MTMR14: variants seen among roughly 807,000 people sequenced by gnomAD.
The protein encoded by MTMR14 is myotubularin related protein 14.
Under a neutral mutation model 86.3 loss-of-function variants are expected in MTMR14, and 48 were observed. The observed-to-expected ratio is 0.56, with a 90% confidence interval of 0.44 to 0.71. The LOEUF is 0.71. MTMR14 is among the 30% of genes least tolerant of loss of function. The pLI is 0.00. For synonymous variants in MTMR14, 366 were observed against 326.1 expected (o/e 1.12, Z -1.32); for missense variants, 780 against 834.6 (o/e 0.93, Z 0.81).
chr3:9,702,145 C>T lies in MTMR14; in HGVS notation c.*172C>T, dbSNP rs2076480169. ...GAGCAAGGCCAAAGACAGGGTTTTC[C>T]AACCCCCAGCCTCTTGACTGGTGAC... On this transcript the variant is annotated 3_prime_UTR_variant, in exon 19 of 19. Transcript: ENST00000296003. The T allele has an allele frequency of 5.0e-6, 4 of 807,008 alleles. No individual in the cohort carries two copies. Among genetic ancestry groups the T allele is most frequent in the African/African-American group, 1.7e-5 (1 of 59,080 alleles). 50.0% of individuals were successfully genotyped at this position (807,008 alleles called of 1,614,324 possible).
intron 1 of MTMR14, among the ~76,000 whole-genome samples, chr3:9,652,859 T>C (rs139989141): frequency 1.6e-3 from 237 of 151,834 alleles, no homozygotes; most frequent in African/African-American, 5.4e-3. Flanking sequence ...ATATGCTCAC[T>C]TGAACCCAGG....
At chr3:9,682,608 T>A (rs1295805902) in intron 9 of MTMR14, among the ~76,000 whole-genome samples, 1 of 152,202 alleles carries the variant, frequency 6.6e-6, no homozygotes, top group Non-Finnish European at 1.5e-5. Flanking sequence ...CCTCCTTTTT[T>A]AAAAGACTTT....
chr3:9,701,781 T>TC lies in MTMR14; in HGVS notation c.1770-5dup. ...AATGTCTTTGTTCTTTCTCTTGACC[T>TC]CCCCATAGGCTTGCAGCCCTGAGTG... On this transcript the variant is annotated splice_polypyrimidine_tract_variant and intron_variant, in intron 18 of 18. Coordinates refer to ENST00000296003, the MANE Select transcript of MTMR14 (RefSeq NM_001077525.3). The surrounding 1 kb of genome is among the most constrained non-coding windows in gnomAD (Gnocchi z 4.2). The TC allele has an allele frequency of 1.2e-6, 2 of 1,613,548 alleles. No individual in the cohort carries two copies. The highest frequency in any genetic ancestry group is 1.7e-6 in the Non-Finnish European group (2 of 1,180,026).
chr3:9,695,018 G>T (rs1575083421), intron 17 of MTMR14, among the ~76,000 whole-genome samples: 1 of 152,210 alleles, frequency 6.6e-6, no homozygotes, highest in Admixed American at 6.5e-5. Context: ...AGGGTTGCTT[G>T]GTCCCATGTT....
At chr3:9,670,747 T>C (rs1482505078) in intron 5 of MTMR14, among the ~76,000 whole-genome samples, 1 of 152,244 alleles carries the variant, frequency 6.6e-6, no homozygotes, top group Non-Finnish European at 1.5e-5. Context: ...TTTAGAACGC[T>C]GAGATTATTT....
At chr3:9,668,611 C>T in intron 3 of MTMR14, 108 bp from the exon 4 acceptor site, 1 of 1,167,102 alleles carries the variant, frequency 8.6e-7, no homozygotes, top group East Asian at 2.4e-5. Flanking sequence ...GGGAGTGCTC[C>T]TGGGCCCGTT....
chr3:9,670,079 T>C (rs2048486517), intron 5 of MTMR14, among the ~76,000 whole-genome samples: 2 of 152,382 alleles, frequency 1.3e-5, no homozygotes, highest in East Asian at 3.9e-4. Context: ...CAAATGTTTT[T>C]AGAAAACAAT....
chr3:9,659,485 C>T (rs915454278), intron 2 of MTMR14: 3 of 232,174 alleles, frequency 1.3e-5, no homozygotes, highest in African/African-American at 6.9e-5. Flanking sequence ...ATTCTGTTGC[C>T]CAGGCTGGAG....
intron 16 of MTMR14, 82 bp downstream of exon 16, chr3:9,689,164 A>G: frequency 1.0e-5 from 16 of 1,579,016 alleles, no homozygotes; most frequent in South Asian, 2.2e-5. Flanking sequence ...TGGAGCCCCA[A>G]GAACAAAGCA....
chr3:9,661,404 G>A (rs529400407), intron 2 of MTMR14, among the ~76,000 whole-genome samples: 16 of 152,116 alleles, frequency 1.1e-4, no homozygotes, highest in Non-Finnish European at 1.5e-4. Flanking sequence ...ATATAATGCC[G>A]CCACTGATGA....
intron 17 of MTMR14, among the ~76,000 whole-genome samples, chr3:9,693,407 A>T (rs2076193431): frequency 6.6e-6 from 1 of 152,258 alleles, no homozygotes; most frequent in African/African-American, 2.4e-5. Context: ...CTACACATGC[A>T]GTTGAAATCT....
chr3:9,698,647 T>G (rs1299364336), intron 18 of MTMR14, among the ~76,000 whole-genome samples: 1 of 151,762 alleles, frequency 6.6e-6, no homozygotes, highest in Non-Finnish European at 1.5e-5. Context: ...TGTTGGCAGG[T>G]GGGAGGCAGG....
At chr3:9,696,785 C>T (rs955000985) in intron 17 of MTMR14, among the ~76,000 whole-genome samples, 3 of 152,154 alleles carry the variant, frequency 2.0e-5, no homozygotes, top group African/African-American at 7.2e-5. Context: ...TTTCTGGATC[C>T]CTACTGGAGT....
intron 6 of MTMR14, among the ~76,000 whole-genome samples, chr3:9,672,185 G>T (rs1430969773): frequency 6.6e-6 from 1 of 152,180 alleles, no homozygotes; most frequent in Non-Finnish European, 1.5e-5. Context: ...GCTTGCTGTA[G>T]TATTAGAGGG....
rs138045243 is a variant in MTMR14 at position 9,668,807 on chromosome 3, C to T, written c.493+13C>T. On this transcript the variant is annotated intron_variant, in intron 4 of 18. Transcript: ENST00000296003. The stretch of plus-strand genomic sequence containing the variant: ...TATTTTTTCTCAGGTGAATGTTGAA[C>T]AGCATCCTCTGATGTAGAATGAGAA... The T allele has an allele frequency of 9.3e-4, 1,503 of 1,613,518 alleles. 7 individuals are homozygous for T. The highest frequency in any genetic ancestry group is 2.8e-3 in the Admixed American group (168 of 60,010).
chr3:9,653,877 T>G, intron 2 of MTMR14, 108 bp downstream of exon 2: 1 of 1,433,286 alleles, frequency 7.0e-7, no homozygotes, highest in Non-Finnish European at 9.8e-7. Context: ...TCCCCAGGTG[T>G]TAATCCTTAT....
In MTMR14 at chr3:9,669,454, A is replaced by C; in HGVS notation, c.516A>C (p.Ala172=). 1 of 1,613,968 alleles carries C rather than the reference A, an allele frequency of 6.2e-7. No individual in the cohort carries two copies. The highest frequency in any genetic ancestry group is 1.3e-5 in the African/African-American group (1 of 75,056). The change falls in exon 5 of 19, where the codon GCA becomes GCC. Residue 172 remains alanine (A), a synonymous_variant. Transcript: ENST00000296003. ...FFSGGADDAW[A]DVEDVTEEDC... ...CAGGGGGTGCAGATGATGCCTGGGC[A>C]GATGTGGAGGACGTCACGGAGGAGG...
intron 3 of MTMR14, among the ~76,000 whole-genome samples, chr3:9,667,923 G>A (rs901338678): frequency 1.3e-5 from 2 of 151,984 alleles, no homozygotes; most frequent in Admixed American, 1.3e-4. Flanking sequence ...TCACAACTTC[G>A]CCATTTCCCA....
At chr3:9,669,094 C>A (rs1241822386) in intron 4 of MTMR14, among the ~76,000 whole-genome samples, 1 of 150,644 alleles carries the variant, frequency 6.6e-6, no homozygotes, top group Non-Finnish European at 1.5e-5. Flanking sequence ...GAGCCGAGAT[C>A]ACGCCACTGC....
Sources: allele counts gnomAD v4.1 joint callset (sites outside exome capture counted in the v4.1 genomes callset), GRCh38; gene constraint gnomAD v4.1.1; non-coding constraint Gnocchi (gnomAD v3.1); transcripts MANE v1.5; gene names NCBI Gene and HGNC (gene_info 2026-07-23, HGNC 2026-07-21).